The following LYPLAL1 variants were observed in gnomAD, a reference collection of about 807,000 sequenced individuals.
The protein encoded by LYPLAL1 is lysophospholipase-like protein 1.
A neutral mutation model predicts 19.7 loss-of-function variants in LYPLAL1; 23 were observed. That is an observed-to-expected ratio of 1.17 (90% CI 0.84 to 1.65). The LOEUF is 1.65. Ranked by LOEUF, LYPLAL1 falls within the 40% of genes most tolerant of loss-of-function variation. The pLI is 0.00. For missense variants in LYPLAL1, 355 were observed against 279.4 expected (o/e 1.27, Z -1.93); for synonymous variants, 119 against 96.3 (o/e 1.24, Z -1.38).
the LYPLAL1 span, among the ~76,000 whole-genome samples, chr1:219,266,628 T>C: frequency 6.6e-6 from 1 of 152,198 alleles, no homozygotes; most frequent in Non-Finnish European, 1.5e-5. Flanking sequence ...TATATAATTG[T>C]ATGTGCTATA....
chr1:219,419,466 T>C, the LYPLAL1 span, among the ~76,000 whole-genome samples: 1 of 151,636 alleles, frequency 6.6e-6, no homozygotes, highest in Non-Finnish European at 1.5e-5. Flanking sequence ...GAAAAAGGAA[T>C]GCTGATGATT....
intron 1 of LYPLAL1, chr1:219,174,412 A>G: frequency 2.3e-6 from 1 of 442,848 alleles, no homozygotes; most frequent in Non-Finnish European, 3.1e-6. Context: ...ATACTAATGT[A>G]GACAATTGAG....
At chr1:219,403,050 A>G in the LYPLAL1 span, among the ~76,000 whole-genome samples, 1 of 152,336 alleles carries the variant, frequency 6.6e-6, no homozygotes, top group East Asian at 1.9e-4. Flanking sequence ...GGGGTCATGC[A>G]AAGTAGAGAG....
intron 3 of LYPLAL1, among the ~76,000 whole-genome samples, chr1:219,204,663 A>G (rs1427324316): frequency 6.6e-6 from 1 of 152,206 alleles, no homozygotes; most frequent in East Asian, 1.9e-4. Flanking sequence ...TATACATTAG[A>G]TCTCCTGGGT....
chr1:219,409,911 A>G, the LYPLAL1 span: 2 of 152,214 alleles, frequency 1.3e-5, no homozygotes, highest in Non-Finnish European at 2.9e-5. Flanking sequence ...TTTTCACTTT[A>G]TGAGAGGAAT....
At chr1:219,337,126 T>G in the LYPLAL1 span, among the ~76,000 whole-genome samples, 1 of 147,394 alleles carries the variant, frequency 6.8e-6, no homozygotes, top group African/African-American at 2.4e-5. Flanking sequence ...CTGCCTCTCT[T>G]TTCTAAGAAA....
the LYPLAL1 span, among the ~76,000 whole-genome samples, chr1:219,254,604 C>A: frequency 1.3e-5 from 2 of 152,110 alleles, no homozygotes; most frequent in Middle Eastern, 6.8e-3. Context: ...TGAACATAGG[C>A]CCCCAGTTTC....
At chr1:219,403,620 A>G in the LYPLAL1 span, among the ~76,000 whole-genome samples, 2 of 152,178 alleles carry the variant, frequency 1.3e-5, no homozygotes, top group Non-Finnish European at 2.9e-5. Context: ...GAAAAATAAT[A>G]TACATCATTT....
chr1:219,213,764 G>A (rs1363244571), downstream of LYPLAL1, among the ~76,000 whole-genome samples: 2 of 152,008 alleles, frequency 1.3e-5, no homozygotes, highest in Non-Finnish European at 2.9e-5. Context: ...ATCTTATGGA[G>A]CTCAATTATT....
the LYPLAL1 span, among the ~76,000 whole-genome samples, chr1:219,385,346 T>G: frequency 6.6e-6 from 1 of 152,134 alleles, no homozygotes; most frequent in African/African-American, 2.4e-5. Context: ...AATACCTTAG[T>G]CTGAATCCCA....
At chr1:219,395,667 G>A in the LYPLAL1 span, among the ~76,000 whole-genome samples, 11 of 152,190 alleles carry the variant, frequency 7.2e-5, no homozygotes, top group South Asian at 2.1e-3. Flanking sequence ...ATTGCTTTTG[G>A]AGTCTTTGTC....
the LYPLAL1 span, among the ~76,000 whole-genome samples, chr1:219,321,775 A>AAGTTAAGATTT: frequency 6.6e-6 from 1 of 152,276 alleles, no homozygotes; most frequent in Non-Finnish European, 1.5e-5. Flanking sequence ...CCAGGAATAA[A>AAGTTAAGATTT]AGTTAAGATT....
the LYPLAL1 span, among the ~76,000 whole-genome samples, chr1:219,258,953 T>G: frequency 6.6e-6 from 1 of 151,996 alleles, no homozygotes; most frequent in South Asian, 2.1e-4. Context: ...AAAAGTGGGC[T>G]AAGGACATGA....
the LYPLAL1 span, among the ~76,000 whole-genome samples, chr1:219,267,070 C>A: frequency 6.6e-6 from 1 of 152,032 alleles, no homozygotes; most frequent in Non-Finnish European, 1.5e-5. Flanking sequence ...CCCAGAGTTG[C>A]AGGAAAACTT....
downstream of LYPLAL1, among the ~76,000 whole-genome samples, chr1:219,215,647 A>G (rs919839961): frequency 2.0e-5 from 3 of 152,032 alleles, no homozygotes; most frequent in African/African-American, 7.2e-5. Context: ...AGCTTGATCT[A>G]CTCAGACTCA....
chr1:219,252,337 C>T, the LYPLAL1 span, among the ~76,000 whole-genome samples: 1 of 152,078 alleles, frequency 6.6e-6, no homozygotes, highest in Middle Eastern at 3.4e-3. Context: ...AGTGGTAGGA[C>T]AGGGCATCCT....
chr1:219,267,534 A>G, the LYPLAL1 span, among the ~76,000 whole-genome samples: 1 of 152,160 alleles, frequency 6.6e-6, no homozygotes, highest in African/African-American at 2.4e-5. Context: ...TACGTCTGGG[A>G]AAACTAGGTC....
chr1:219,327,486 T>G, the LYPLAL1 span, among the ~76,000 whole-genome samples: 1 of 152,144 alleles, frequency 6.6e-6, no homozygotes, highest in African/African-American at 2.4e-5. Flanking sequence ...GAGGCAGTAA[T>G]GGGATACTGG....
At chr1:219,336,108 G>C in the LYPLAL1 span, among the ~76,000 whole-genome samples, 1 of 151,160 alleles carries the variant, frequency 6.6e-6, no homozygotes, top group East Asian at 2.0e-4. Context: ...AAAAACTCTT[G>C]GCACAGGTGT....
Sources: allele counts gnomAD v4.1 joint callset (sites outside exome capture counted in the v4.1 genomes callset), GRCh38; gene constraint gnomAD v4.1.1; transcripts MANE v1.5; gene names NCBI Gene and HGNC (gene_info 2026-07-23, HGNC 2026-07-21).